Variants in TYW1B observed in about 807,000 individuals in gnomAD.
TYW1B encodes the protein S-adenosyl-L-methionine-dependent tRNA 4-demethylwyosine synthase TYW1B.
A neutral mutation model predicts 86.9 loss-of-function variants in TYW1B; 73 were observed. That is an observed-to-expected ratio of 0.84 (90% confidence interval 0.70 to 1.02). The LOEUF is 1.02. Ranked by LOEUF, TYW1B falls within the 50% of genes least tolerant of loss-of-function variation. The probability of loss-of-function intolerance (pLI) is 0.00; values close to 1 mark genes in which losing one functional copy is unlikely to be tolerated. For synonymous variants in TYW1B, 248 were observed against 292.8 expected (o/e 0.85, Z 1.56); for missense variants, 637 against 827.4 (o/e 0.77, Z 2.82).
At chr7:72,812,085 G>A (rs868934655) in intron 3 of TYW1B, among the ~76,000 whole-genome samples, 53 of 151,734 alleles carry the variant, frequency 3.5e-4, no homozygotes, top group Admixed American at 5.9e-4. Flanking sequence ...AATACAGGCT[G>A]GGTATCCATT....
intron 11 of TYW1B, among the ~76,000 whole-genome samples, chr7:72,656,479 A>G (rs1813207502): frequency 6.6e-6 from 1 of 152,156 alleles, no homozygotes. Flanking sequence ...TCAGTGGCTC[A>G]TGCCTATAAT....
intron 13 of TYW1B, among the ~76,000 whole-genome samples, chr7:72,600,759 G>A (rs1554433545): frequency 6.6e-6 from 1 of 152,140 alleles, no homozygotes; most frequent in Admixed American, 6.6e-5. Context: ...CTACTTAGGA[G>A]ACTGAGGTGG....
At chr7:72,668,510 G>A (rs1813519254) in intron 11 of TYW1B, among the ~76,000 whole-genome samples, 1 of 151,542 alleles carries the variant, frequency 6.6e-6, no homozygotes. Context: ...CATGAAGGCC[G>A]AGAAAACTCC....
chr7:72,730,315 A>G (rs1367534092), intron 8 of TYW1B, among the ~76,000 whole-genome samples: 2 of 151,808 alleles, frequency 1.3e-5, no homozygotes, highest in Non-Finnish European at 2.9e-5. Context: ...GAGAATACAC[A>G]TAGACAATTC....
At chr7:72,790,851 G>C (rs1788207053) in intron 6 of TYW1B, among the ~76,000 whole-genome samples, 1 of 152,254 alleles carries the variant, frequency 6.6e-6, no homozygotes, top group South Asian at 2.1e-4. Context: ...AGTGACTCCA[G>C]CAAGTGCGGT....
intron 10 of TYW1B, chr7:72,697,754 C>T (rs1170907429): frequency 6.6e-6 from 1 of 152,172 alleles, no homozygotes; most frequent in African/African-American, 2.4e-5. Flanking sequence ...AGATAGACAA[C>T]CTTAAGCCCA....
intron 11 of TYW1B, among the ~76,000 whole-genome samples, chr7:72,640,325 T>C (rs1812774089): frequency 6.6e-6 from 1 of 151,988 alleles, no homozygotes; most frequent in Non-Finnish European, 1.5e-5. Flanking sequence ...CCCAATTACA[T>C]GTTATTAAAA....
chr7:72,772,801 A>G (rs1787890311), intron 7 of TYW1B, among the ~76,000 whole-genome samples: 2 of 152,240 alleles, frequency 1.3e-5, no homozygotes, highest in Non-Finnish European at 2.9e-5. Flanking sequence ...GGATGACAGC[A>G]TAAGTGGATC....
chr7:72,699,646 T>G (rs1356734162), intron 10 of TYW1B, among the ~76,000 whole-genome samples: 1 of 151,962 alleles, frequency 6.6e-6, no homozygotes, highest in Non-Finnish European at 1.5e-5. Context: ...ATTCTTAATT[T>G]TTCTTTTCTT....
intron 11 of TYW1B, among the ~76,000 whole-genome samples, chr7:72,643,352 C>A (rs1479761782): frequency 6.6e-6 from 1 of 152,026 alleles, no homozygotes; most frequent in Non-Finnish European, 1.5e-5. Context: ...TTTGGGAGGC[C>A]GATGTGGGCG....
At chr7:72,825,707 G>A (rs1159661001) in intron 2 of TYW1B, among the ~76,000 whole-genome samples, 2 of 152,248 alleles carry the variant, frequency 1.3e-5, no homozygotes, top group Non-Finnish European at 1.5e-5. Flanking sequence ...AAACATAGAT[G>A]TGTGATGTGA....
At chr7:72,612,565 A>G (rs1404995262) in intron 13 of TYW1B, among the ~76,000 whole-genome samples, 3 of 152,120 alleles carry the variant, frequency 2.0e-5, no homozygotes, top group Non-Finnish European at 4.4e-5. Flanking sequence ...AAACAGAAGA[A>G]CTGGGTCAAA....
At chr7:72,615,073 T>C (rs1259661802) in intron 13 of TYW1B, among the ~76,000 whole-genome samples, 1 of 152,242 alleles carries the variant, frequency 6.6e-6, no homozygotes, top group African/African-American at 2.4e-5. Context: ...CCCTGTGGCT[T>C]TCCATTCTTC....
At chr7:72,716,030 A>T (rs1554455879) in intron 9 of TYW1B, among the ~76,000 whole-genome samples, 2 of 152,224 alleles carry the variant, frequency 1.3e-5, no homozygotes, top group African/African-American at 4.8e-5. Context: ...TCCTCGGTTC[A>T]AGCCATTCTC....
intron 11 of TYW1B, among the ~76,000 whole-genome samples, chr7:72,669,771 G>A (rs1267007252): frequency 3.3e-5 from 5 of 150,426 alleles, no homozygotes; most frequent in African/African-American, 1.2e-4. Context: ...CTCTGTCTCG[G>A]AAAAAAAATA....
intron 10 of TYW1B, among the ~76,000 whole-genome samples, chr7:72,703,010 A>ATTTTTTTTTTTTTT (rs1814515124): frequency 9.9e-5 from 3 of 30,368 alleles, no homozygotes; most frequent in Non-Finnish European, 7.6e-5. Flanking sequence ...ATATATATAT[A>ATTTTTTTTTTTTTT]TATATATATA....
chr7:72,798,767 C>T (rs1316490186), intron 6 of TYW1B, among the ~76,000 whole-genome samples: 4 of 152,172 alleles, frequency 2.6e-5, no homozygotes, highest in African/African-American at 7.2e-5. Flanking sequence ...CTCAGAGCCT[C>T]GCCTAACTGA....
At chr7:72,790,321 G>A (rs371560322) in intron 6 of TYW1B, among the ~76,000 whole-genome samples, 3 of 152,136 alleles carry the variant, frequency 2.0e-5, no homozygotes, top group East Asian at 1.9e-4. Context: ...GTCTCATGGC[G>A]GACCCATAGG....
chr7:72,680,591 C>A (rs1554448286), intron 11 of TYW1B, among the ~76,000 whole-genome samples: 1 of 152,106 alleles, frequency 6.6e-6, no homozygotes, highest in Admixed American at 6.6e-5. Context: ...AGCTTGCAGA[C>A]GACCTATTGT....
Sources: gnomAD v4.1 joint callset for allele counts (sites outside exome capture counted in the v4.1 genomes callset) on GRCh38, gnomAD v4.1.1 for gene constraint, MANE v1.5 for transcripts, NCBI Gene and HGNC (gene_info 2026-07-23, HGNC 2026-07-21) for gene names.